The following SGCE variants were observed in gnomAD, a reference collection of about 807,000 sequenced individuals.
SGCE encodes the protein sarcoglycan epsilon, also known as epsilon-sarcoglycan.
SGCE carries 26 observed loss-of-function variants against 57.8 expected under a neutral mutation model. The ratio of observed to expected loss-of-function variants is 0.45; its 90% CI spans 0.33 to 0.62. SGCE has a LOEUF of 0.62. SGCE is among the 20% of genes least tolerant of loss of function. The probability of loss-of-function intolerance (pLI) is 0.02; values close to 1 mark genes in which losing one functional copy is unlikely to be tolerated. For missense variants in SGCE, 468 were observed against 548.6 expected (o/e 0.85, Z 1.47); for synonymous variants, 183 against 189.5 (o/e 0.97, Z 0.28).
At chr7:94,623,890 A>T in intron 3 of SGCE, 1 of 358,358 alleles carries the variant, frequency 2.8e-6, no homozygotes, top group Non-Finnish European at 5.0e-6. Context: ...ACCCTTTGGA[A>T]ATCATATCTC....
At chr7:94,634,881 C>T (rs1805374456) in intron 1 of SGCE, among the ~76,000 whole-genome samples, 1 of 152,102 alleles carries the variant, frequency 6.6e-6, no homozygotes, top group Admixed American at 6.6e-5. Context: ...CTTAATTCAA[C>T]CCATATATTA....
chr7:94,586,125 A>G (rs1006282404), intron 10 of SGCE, among the ~76,000 whole-genome samples: 5 of 150,082 alleles, frequency 3.3e-5, no homozygotes, highest in African/African-American at 7.3e-5. Flanking sequence ...GATAAATTCC[A>G]TATAGGTAGC....
rs141136408 is a variant in SGCE at position 94,630,064 on chromosome 7, C to G, written c.110-223G>C. ...TTTTGATTTGTGTTTACAGCCTTTT[C>G]AAACACTACATAGACAAAATTATGC... is the stretch of plus-strand genomic sequence containing the variant. On this transcript the variant is annotated intron_variant, in intron 1 of 10. Coordinates refer to ENST00000648936, the MANE Select transcript of SGCE (RefSeq NM_003919.3). 1.8e-3 allele frequency among the ~76,000 whole-genome samples: 281 copies of G among 152,050 alleles called. 1 individual carries two copies. The highest frequency in any genetic ancestry group is 6.6e-3 in the African/African-American group (275 of 41,540).
chr7:94,639,036 A>G (rs960208498), intron 1 of SGCE, among the ~76,000 whole-genome samples: 2 of 152,204 alleles, frequency 1.3e-5, no homozygotes, highest in African/African-American at 4.8e-5. Context: ...CAGTAGGACA[A>G]TTTTTATAAG....
intron 9 of SGCE, among the ~76,000 whole-genome samples, chr7:94,596,671 T>C (rs1562796245): frequency 6.6e-6 from 1 of 152,136 alleles, no homozygotes; most frequent in South Asian, 2.1e-4. Flanking sequence ...CTTGTACTTA[T>C]TAATTAACCC....
At chr7:94,612,169 G>T (rs1057114749) in intron 5 of SGCE, among the ~76,000 whole-genome samples, 1 of 152,032 alleles carries the variant, frequency 6.6e-6, no homozygotes, top group African/African-American at 2.4e-5. Flanking sequence ...ACAAGACATT[G>T]ATTTGTATTT....
intron 1 of SGCE, among the ~76,000 whole-genome samples, chr7:94,650,059 C>T (rs1159881452): frequency 6.6e-6 from 1 of 152,160 alleles, no homozygotes; most frequent in African/African-American, 2.4e-5. Flanking sequence ...GGCAGATCAC[C>T]ATACAGGAAA....
chr7:94,617,790 T>C (rs545546223), intron 5 of SGCE: 1 of 56,972 alleles, frequency 1.8e-5, no homozygotes, highest in Admixed American at 1.4e-4. Flanking sequence ...CATCTGCCTT[T>C]TACCTACCCA....
chr7:94,587,549 A>G, intron 10 of SGCE: 2 of 1,318,544 alleles, frequency 1.5e-6, no homozygotes, highest in Non-Finnish European at 1.9e-6. Flanking sequence ...TAGTGGTAGT[A>G]GGGATTCATT....
At chr7:94,616,514 A>T (rs958963856) in intron 5 of SGCE, among the ~76,000 whole-genome samples, 1 of 152,132 alleles carries the variant, frequency 6.6e-6, no homozygotes, top group African/African-American at 2.4e-5. Context: ...GATCTTTTTA[A>T]TATTTCATTT....
chr7:94,643,207 A>G (rs907787330), intron 1 of SGCE, among the ~76,000 whole-genome samples: 1 of 152,204 alleles, frequency 6.6e-6, no homozygotes, highest in African/African-American at 2.4e-5. Context: ...TTTTAGGTCT[A>G]TGGAATTTTT....
intron 9 of SGCE, among the ~76,000 whole-genome samples, chr7:94,595,684 A>T (rs1003697719): frequency 6.6e-6 from 1 of 152,162 alleles, no homozygotes; most frequent in Non-Finnish European, 1.5e-5. Flanking sequence ...TAAAACTTTT[A>T]AAACATAGCT....
chr7:94,628,143 C>CACACAA (rs1804040366), intron 3 of SGCE, 59 bp downstream of exon 3: 1 of 1,290,890 alleles, frequency 7.7e-7, no homozygotes, highest in Non-Finnish European at 1.1e-6. Context: ...ACAATACACA[C>CACACAA]ACACACACAC....
At chr7:94,654,366 T>C (rs1235520604) in intron 1 of SGCE, among the ~76,000 whole-genome samples, 2 of 152,180 alleles carry the variant, frequency 1.3e-5, no homozygotes, top group Non-Finnish European at 2.9e-5. Context: ...TTTAGAAAAA[T>C]AATGTCTCAG....
At chr7:94,609,609 A>G (rs1042427654) in intron 5 of SGCE, among the ~76,000 whole-genome samples, 1 of 152,244 alleles carries the variant, frequency 6.6e-6, no homozygotes, top group African/African-American at 2.4e-5. Context: ...AAATATGCAC[A>G]TGAAAAGATG....
chr7:94,620,297 T>C (rs1802556193), intron 4 of SGCE: 1 of 152,198 alleles, frequency 6.6e-6, no homozygotes, highest in Non-Finnish European at 1.5e-5. Context: ...TCATCACTTT[T>C]TAAAGATTTA....
intron 5 of SGCE, among the ~76,000 whole-genome samples, chr7:94,606,450 C>T (rs1584567415): frequency 6.6e-6 from 1 of 152,248 alleles, no homozygotes; most frequent in East Asian, 1.9e-4. Context: ...TGTGTATATG[C>T]CTCATAACAG....
chr7:94,593,014 TAGTCCCCTGAAAC>T (rs1797905420), intron 9 of SGCE, among the ~76,000 whole-genome samples: 2 of 152,138 alleles, frequency 1.3e-5, no homozygotes, highest in African/African-American at 4.8e-5. Context: ...ACCATAATCT[TAGTCCCCTGAAAC>T]ACTGTCTTCA....
intron 1 of SGCE, chr7:94,639,425 C>T: frequency 6.5e-7 from 1 of 1,533,532 alleles, no homozygotes; most frequent in East Asian, 2.4e-5. Context: ...CCATTTATGC[C>T]ATCAGCACAG....
Sources: allele counts gnomAD v4.1 joint callset (sites outside exome capture counted in the v4.1 genomes callset), GRCh38; gene constraint gnomAD v4.1.1; transcripts MANE v1.5; gene names NCBI Gene and HGNC (gene_info 2026-07-23, HGNC 2026-07-21).